SLC5A12: variants seen among roughly 807,000 people sequenced by gnomAD.
The protein encoded by SLC5A12 is sodium-coupled monocarboxylate transporter 2.
Under a neutral mutation model 72.7 loss-of-function variants are expected in SLC5A12, and 46 were observed. The observed-to-expected ratio is 0.63, with a 90% CI of 0.50 to 0.81. The LOEUF (loss-of-function observed/expected upper bound fraction) is 0.81. Ranked by LOEUF, SLC5A12 falls within the 30% of genes least tolerant of loss-of-function variation. The pLI is 0.00. For synonymous variants in SLC5A12, 275 were observed against 264.4 expected (o/e 1.04, Z -0.39); for missense variants, 683 against 740.7 (o/e 0.92, Z 0.90).
intron 9 of SLC5A12, among the ~76,000 whole-genome samples, chr11:26,691,087 A>T (rs1365304553): frequency 6.6e-6 from 1 of 152,082 alleles, no homozygotes; most frequent in Non-Finnish European, 1.5e-5. Flanking sequence ...ATATAAAGAG[A>T]TTTTACAAAC....
Position 26,693,150 on chromosome 11 carries a change from A to G in SLC5A12, c.1041-549T>C, listed in dbSNP as rs184570706. ...TTACCTGCTTATAGTTGTGAAGGAAAATAGCAAGACGCTGTAAGAACATAC... is the reference window on the plus strand; with the variant it reads ...TTACCTGCTTATAGTTGTGAAGGAAGATAGCAAGACGCTGTAAGAACATAC... On this transcript the variant is annotated intron_variant, in intron 8 of 14. Transcript: ENST00000396005. 3.3e-5 allele frequency among the ~76,000 whole-genome samples: 5 copies of G among 152,358 alleles called. No homozygotes were observed. The East Asian group carries it at 9.6e-4, about 29-fold the overall frequency.
At chr11:26,709,188 G>T in intron 4 of SLC5A12, 124 bp downstream of exon 4, 1 of 610,848 alleles carries the variant, frequency 1.6e-6, no homozygotes, top group Non-Finnish European at 2.8e-6. Flanking sequence ...CAGATAAGCC[G>T]ACATACTTCT....
chr11:26,715,892 C>G (rs1183398287), intron 1 of SLC5A12, among the ~76,000 whole-genome samples: 1 of 152,124 alleles, frequency 6.6e-6, no homozygotes, highest in East Asian at 1.9e-4. Flanking sequence ...CAAGTGAGAC[C>G]AGCACAATTT....
chr11:26,704,090 T>C (rs575363032), intron 4 of SLC5A12, 143 bp from the exon 5 acceptor site: 13 of 821,742 alleles, frequency 1.6e-5, no homozygotes, highest in Admixed American at 1.4e-4. Flanking sequence ...CCAAGTACCA[T>C]GTTAAGCATG....
intron 6 of SLC5A12, among the ~76,000 whole-genome samples, chr11:26,700,109 G>A (rs1854922957): frequency 2.0e-5 from 3 of 152,164 alleles, no homozygotes; most frequent in South Asian, 4.1e-4. Flanking sequence ...TAACATAACT[G>A]CCTTACTTTT....
intron 1 of SLC5A12, among the ~76,000 whole-genome samples, chr11:26,718,504 G>A (rs1243692335): frequency 2.6e-5 from 4 of 152,180 alleles, no homozygotes. Context: ...CTGTTGCCCA[G>A]GTTGGAGTGC....
chr11:26,669,205 T>TTCTTTCTTTCTTTCTTTCTTTCTTTC lies in SLC5A12; in HGVS notation c.*1896_*1897insGAAAGAAAGAAAGAAAGAAAGAAAGA, dbSNP rs1485234300. 499 of 138,786 alleles carry TTCTTTCTTTCTTTCTTTCTTTCTTTC rather than the reference T, an allele frequency of 3.6e-3. 4 individuals carry two copies. The highest frequency in any genetic ancestry group is 0.013 in the African/African-American group (469 of 35,848). 8.6% of individuals were successfully genotyped at this position (138,786 alleles called of 1,614,324 possible). On this transcript the variant is annotated 3_prime_UTR_variant, in exon 15 of 15. Coordinates refer to ENST00000396005, the MANE Select transcript of SLC5A12 (RefSeq NM_178498.4). ...TTTCTTCTTTTCTTTCTTTCTTTCTTTCTTTCTTTCTTTCTCTCTCTCCCT... is the reference window on the plus strand; with the variant it reads ...TTTCTTCTTTTCTTTCTTTCTTTCTTTCTTTCTTTCTTTCTTTCTTTCTTTCTCTTTCTTTCTTTCTCTCTCTCCCT...
chr11:26,676,040 A>T (rs1854258554), intron 13 of SLC5A12, among the ~76,000 whole-genome samples: 1 of 151,928 alleles, frequency 6.6e-6, no homozygotes, highest in South Asian at 2.1e-4. Context: ...AATAAGGTAG[A>T]TTACACACAA....
At chr11:26,680,992 C>T in intron 12 of SLC5A12, 63 bp downstream of exon 12, 1 of 1,381,806 alleles carries the variant, frequency 7.2e-7, no homozygotes, top group South Asian at 1.6e-5. Context: ...CTGAAGAGTG[C>T]ACCTCCCTCT....
At chr11:26,707,752 T>A (rs1855124602) in intron 4 of SLC5A12, among the ~76,000 whole-genome samples, 1 of 152,102 alleles carries the variant, frequency 6.6e-6, no homozygotes, top group Non-Finnish European at 1.5e-5. Flanking sequence ...TCTTGTTTGT[T>A]GCTTTGCTGA....
intron 1 of SLC5A12, among the ~76,000 whole-genome samples, chr11:26,718,599 C>A (rs557817749): frequency 2.0e-5 from 3 of 151,084 alleles, no homozygotes; most frequent in Non-Finnish European, 4.4e-5. Context: ...ATTACATGTG[C>A]GCCACCATGC....
intron 8 of SLC5A12, among the ~76,000 whole-genome samples, chr11:26,695,014 C>T (rs1036451341): frequency 6.6e-6 from 1 of 151,686 alleles, no homozygotes; most frequent in Non-Finnish European, 1.5e-5. Flanking sequence ...AGAAATGCAT[C>T]TATTAAAAAC....
Position 26,671,029 on chromosome 11 carries a change from G to A in SLC5A12, c.*73C>T. 1 of 1,366,438 alleles carries A rather than the reference G, an allele frequency of 7.3e-7. No homozygotes were observed. Among genetic ancestry groups the A allele is most frequent in the South Asian group, 1.5e-5 (1 of 65,452 alleles). 84.6% of individuals were successfully genotyped at this position (1,366,438 alleles called of 1,614,324 possible). ...ACTATACATATCTACTAACAAGTAG[G>A]CAAGAAGTATGTGGAGTTTGTGTGT... On this transcript the variant is annotated 3_prime_UTR_variant, in exon 15 of 15. Coordinates refer to ENST00000396005, the MANE Select transcript of SLC5A12 (RefSeq NM_178498.4).
At chr11:26,721,211 T>C (rs138662740) in intron 1 of SLC5A12, among the ~76,000 whole-genome samples, 165 bp downstream of exon 1, 46 of 152,270 alleles carry the variant, frequency 3.0e-4, no homozygotes, top group African/African-American at 1.1e-3. Flanking sequence ...GATGGGAAAA[T>C]AGATATGTCT....
At chr11:26,692,748 C>A (rs995351089) in intron 8 of SLC5A12, 147 bp from the exon 9 acceptor site, 3 of 588,790 alleles carry the variant, frequency 5.1e-6, no homozygotes, top group Non-Finnish European at 9.1e-6. Context: ...TCCATGGGAA[C>A]TATATGGCCT....
chr11:26,698,176 G>A (rs905075700), intron 7 of SLC5A12, among the ~76,000 whole-genome samples: 9 of 152,088 alleles, frequency 5.9e-5, no homozygotes, highest in African/African-American at 2.2e-4. Flanking sequence ...GGGATTACAG[G>A]TGTGATCCAC....
intron 13 of SLC5A12, among the ~76,000 whole-genome samples, chr11:26,675,470 T>G (rs10835056): frequency 0.66 from 100,897 of 151,952 alleles, 34,086 homozygotes; most frequent in Middle Eastern, 0.76. Context: ...GGATTGAGCA[T>G]CAGTGGACTG....
At chr11:26,714,866 C>T (rs1230457483) in intron 1 of SLC5A12, among the ~76,000 whole-genome samples, 1 of 152,066 alleles carries the variant, frequency 6.6e-6, no homozygotes, top group Non-Finnish European at 1.5e-5. Flanking sequence ...GGTAGAAAAC[C>T]ACCTTATTTT....
chr11:26,721,553 G>A lies in SLC5A12; in HGVS notation c.162C>T (p.Gly54=). Residue 54 remains glycine (G), a synonymous_variant, in exon 1 of 15, where the codon GGC becomes GGT. Transcript: ENST00000396005. ...GGRQMSFGPV[G]LSLTASFMSA... ...ACATGAAGCTGGCTGTCAGAGACAAGCCGACAGGGCCAAAGCTCATTTGCC... is the reference window on the plus strand; with the variant it reads ...ACATGAAGCTGGCTGTCAGAGACAAACCGACAGGGCCAAAGCTCATTTGCC... The A allele has an allele frequency of 1.9e-6, 3 of 1,614,188 alleles. No individual in the cohort carries two copies. The highest frequency in any genetic ancestry group is 1.1e-5 in the South Asian group (1 of 91,082).
Sources: allele counts gnomAD v4.1 joint callset (sites outside exome capture counted in the v4.1 genomes callset), GRCh38; gene constraint gnomAD v4.1.1; transcripts MANE v1.5; gene names NCBI Gene and HGNC (gene_info 2026-07-23, HGNC 2026-07-21).